Variants in TAF4B observed in about 807,000 individuals in gnomAD.
TAF4B encodes the protein transcription initiation factor TFIID subunit 4B.
A neutral mutation model predicts 86.4 loss-of-function variants in TAF4B; 38 were observed. The observed-to-expected ratio is 0.44, with a 90% confidence interval of 0.34 to 0.58. The LOEUF (loss-of-function observed/expected upper bound fraction) is 0.58, where lower values mean the gene tolerates loss of function less well. Ranked by LOEUF, TAF4B falls within the 20% of genes least tolerant of loss-of-function variation. The probability of loss-of-function intolerance (pLI) is 0.02; values close to 1 mark genes in which losing one functional copy is unlikely to be tolerated. For missense variants in TAF4B, 988 were observed against 1,027.6 expected (o/e 0.96, Z 0.53); for synonymous variants, 388 against 391.2 (o/e 0.99, Z 0.10).
At chr18:26,248,762 T>C (rs2055960282) in intron 1 of TAF4B, among the ~76,000 whole-genome samples, 1 of 85,572 alleles carries the variant, frequency 1.2e-5, no homozygotes, top group African/African-American at 4.6e-5. Flanking sequence ...TGGGCTCAAG[T>C]GATCTTCCTG....
chr18:26,267,478 A>G (rs1217851291), intron 2 of TAF4B, 38 bp from the exon 3 acceptor site: 3 of 1,371,672 alleles, frequency 2.2e-6, no homozygotes, highest in Non-Finnish European at 3.1e-6. Flanking sequence ...TACTAACGCT[A>G]ATGACTTTGT....
intron 13 of TAF4B, among the ~76,000 whole-genome samples, chr18:26,339,248 T>A (rs1444391198): frequency 6.6e-6 from 1 of 152,230 alleles, no homozygotes; most frequent in African/African-American, 2.4e-5. Flanking sequence ...ATGATTTTTC[T>A]AGATACTTTT....
At chr18:26,297,459 A>G (rs574594631) in intron 9 of TAF4B, among the ~76,000 whole-genome samples, 1 of 152,146 alleles carries the variant, frequency 6.6e-6, no homozygotes, top group Admixed American at 6.5e-5. Context: ...CAGCAGCTGG[A>G]CTCGTAGAGA....
At chr18:26,334,470 C>T (rs1487943152) in intron 12 of TAF4B, among the ~76,000 whole-genome samples, 1 of 152,124 alleles carries the variant, frequency 6.6e-6, no homozygotes, top group East Asian at 1.9e-4. Flanking sequence ...TTCCAGTGGA[C>T]AGATATTCAT....
chr18:26,241,968 GTTC>G (rs1300208516), intron 1 of TAF4B, among the ~76,000 whole-genome samples: 1 of 152,178 alleles, frequency 6.6e-6, no homozygotes, highest in Admixed American at 6.5e-5. Context: ...TATAATTTCT[GTTC>G]TTTCACATTT....
intron 1 of TAF4B, among the ~76,000 whole-genome samples, chr18:26,251,358 G>A (rs1055551528): frequency 5.3e-5 from 8 of 152,118 alleles, no homozygotes; most frequent in African/African-American, 1.9e-4. Context: ...AAGGCTCTTA[G>A]ATTTGTAAGG....
intron 14 of TAF4B, among the ~76,000 whole-genome samples, chr18:26,376,157 G>A (rs1054167873): frequency 6.6e-6 from 1 of 150,596 alleles, no homozygotes; most frequent in African/African-American, 2.4e-5. Context: ...TTGTTTTCAA[G>A]ATCATTTTAA....
intron 1 of TAF4B, among the ~76,000 whole-genome samples, chr18:26,249,762 G>A (rs113408488): frequency 1.3e-5 from 2 of 151,396 alleles, no homozygotes; most frequent in South Asian, 2.1e-4. Flanking sequence ...TCTTTCTTTC[G>A]CCTAGGCTGG....
At chr18:26,315,743 T>C (rs747878593) in intron 10 of TAF4B, among the ~76,000 whole-genome samples, 2 of 152,172 alleles carry the variant, frequency 1.3e-5, no homozygotes, top group Non-Finnish European at 2.9e-5. Context: ...TTATGTTACA[T>C]GTTTGTGTTT....
intron 6 of TAF4B, 119 bp from the exon 7 acceptor site, chr18:26,285,763 C>G (rs1357560003): frequency 1.6e-6 from 2 of 1,262,298 alleles, no homozygotes; most frequent in Non-Finnish European, 2.2e-6. Context: ...CTGTCTTCAA[C>G]TGAAATACTT....
chr18:26,246,835 A>G (rs2055933109), intron 1 of TAF4B, among the ~76,000 whole-genome samples: 2 of 150,716 alleles, frequency 1.3e-5, no homozygotes, highest in African/African-American at 2.4e-5. Flanking sequence ...ACCTGGCCTA[A>G]TCTCATTCTT....
intron 12 of TAF4B, 29 bp downstream of exon 12, chr18:26,327,169 T>G: frequency 1.2e-6 from 2 of 1,603,638 alleles, no homozygotes; most frequent in Non-Finnish European, 1.7e-6. Context: ...TATGAGTGAA[T>G]GTGGCCTGGC....
At chr18:26,329,649 G>A (rs2057035672) in intron 12 of TAF4B, among the ~76,000 whole-genome samples, 1 of 152,144 alleles carries the variant, frequency 6.6e-6, no homozygotes. Context: ...TTCAACCAGG[G>A]CTCATCTGAT....
chr18:26,379,765 G>A (rs1233237504), intron 14 of TAF4B, among the ~76,000 whole-genome samples: 1 of 152,002 alleles, frequency 6.6e-6, no homozygotes, highest in Non-Finnish European at 1.5e-5. Context: ...TGAATCTATA[G>A]ATCAATTTGC....
chr18:26,251,432 C>A (rs1042039588), intron 1 of TAF4B, among the ~76,000 whole-genome samples: 13 of 152,092 alleles, frequency 8.5e-5, no homozygotes, highest in Admixed American at 2.6e-4. Context: ...CAGAGAACTT[C>A]CATTCAGATC....
intron 9 of TAF4B, 75 bp from the exon 10 acceptor site, chr18:26,315,154 C>CTG (rs1568148078): frequency 5.3e-4 from 281 of 529,246 alleles, no homozygotes; most frequent in Middle Eastern, 7.4e-4. Context: ...CTGTCTCTCT[C>CTG]TCTCTCTCAC....
chr18:26,245,253 C>G (rs1254923307), intron 1 of TAF4B, among the ~76,000 whole-genome samples: 1 of 152,082 alleles, frequency 6.6e-6, no homozygotes. Flanking sequence ...GAACAAGCCC[C>G]CAAGATGTGT....
At chr18:26,241,912 T>C (rs2144465768) in intron 1 of TAF4B, among the ~76,000 whole-genome samples, 1 of 152,342 alleles carries the variant, frequency 6.6e-6, no homozygotes, top group Middle Eastern at 3.4e-3. Flanking sequence ...AGTTTCTTAA[T>C]CCTGAGTTCT....
chr18:26,350,314 G>A (rs997315149), intron 13 of TAF4B, among the ~76,000 whole-genome samples: 4 of 152,314 alleles, frequency 2.6e-5, no homozygotes, highest in Admixed American at 2.0e-4. Flanking sequence ...TCATCTGATA[G>A]TGGATTAATA....
Sources: allele counts gnomAD v4.1 joint callset (sites outside exome capture counted in the v4.1 genomes callset), GRCh38; gene constraint gnomAD v4.1.1; transcripts MANE v1.5; gene names NCBI Gene and HGNC (gene_info 2026-07-23, HGNC 2026-07-21).